The following NBDY variants were observed in gnomAD, a reference collection of about 807,000 sequenced individuals.
NBDY encodes the protein P-body dissociating protein.
At chrX:56,730,513 CAAAAAAAAAAAAAAAAAAA>C (rs1157131797) in intron 1 of NBDY, among the ~76,000 whole-genome samples, 3 of 11,215 alleles carry the variant, frequency 2.7e-4, no homozygotes, top group Non-Finnish European at 3.5e-4. Context: ...AACTACGTCT[CAAAAAAAAAAAAAAAAAAA>C]AAAAAAAAAA....
intron 2 of NBDY, among the ~76,000 whole-genome samples, chrX:56,792,211 CAT>C (rs1489523847): frequency 1.8e-5 from 2 of 111,215 alleles, no homozygotes; most frequent in African/African-American, 6.6e-5. Context: ...AAGCTGCCCA[CAT>C]GTTATATTTA....
At chrX:56,764,196 C>T (rs908795992) in intron 2 of NBDY, among the ~76,000 whole-genome samples, 48 of 112,516 alleles carry the variant, frequency 4.3e-4, no homozygotes, top group Admixed American at 2.5e-3. Flanking sequence ...TGGGTTGCCA[C>T]GTCTCCAGTA....
At chrX:56,783,703 C>G (rs1358820613) in intron 2 of NBDY, among the ~76,000 whole-genome samples, 2 of 112,785 alleles carry the variant, frequency 1.8e-5, no homozygotes, top group African/African-American at 6.5e-5. Flanking sequence ...GTCCCTGCAG[C>G]CTGTTGTCAT....
chrX:56,750,387 C>A (rs920247833), intron 2 of NBDY, among the ~76,000 whole-genome samples: 1 of 111,337 alleles, frequency 9.0e-6, no homozygotes, highest in African/African-American at 3.3e-5. Context: ...AGCCTAGATC[C>A]TTAAATTGAG....
intron 2 of NBDY, among the ~76,000 whole-genome samples, chrX:56,800,985 C>T (rs2146737551): frequency 9.0e-6 from 1 of 111,495 alleles, no homozygotes; most frequent in Admixed American, 9.5e-5. Flanking sequence ...TACTTCCCTA[C>T]CCAGGCCTTG....
At chrX:56,816,625 G>T (rs972146702) in intron 2 of NBDY, among the ~76,000 whole-genome samples, 2 of 110,893 alleles carry the variant, frequency 1.8e-5, no homozygotes, top group African/African-American at 3.3e-5. Flanking sequence ...ACATTTATAA[G>T]TGAATAAAAA....
At chrX:56,767,726 A>G (rs113664366) in intron 2 of NBDY, among the ~76,000 whole-genome samples, 8,697 of 109,251 alleles carry the variant, frequency 0.08, 710 homozygotes, top group African/African-American at 0.23. Context: ...TGCTTTTTTC[A>G]CACGAGAAAG....
intron 2 of NBDY, among the ~76,000 whole-genome samples, chrX:56,801,371 C>G (rs926338362): frequency 9.1e-6 from 1 of 109,993 alleles, no homozygotes; most frequent in Non-Finnish European, 1.9e-5. Flanking sequence ...TTCTCCTTCT[C>G]ATTTTTCTCT....
chrX:56,767,476 G>T (rs1405086725), intron 2 of NBDY, among the ~76,000 whole-genome samples: 14 of 113,157 alleles, frequency 1.2e-4, no homozygotes, highest in Admixed American at 1.1e-3. Flanking sequence ...CCCTCAGCTT[G>T]CGGGGAGGTG....
intron 2 of NBDY, among the ~76,000 whole-genome samples, chrX:56,800,272 C>T (rs1259809921): frequency 8.9e-6 from 1 of 112,148 alleles, no homozygotes; most frequent in Non-Finnish European, 1.9e-5. Flanking sequence ...ACATGCATCC[C>T]CACCAATACT....
intron 2 of NBDY, among the ~76,000 whole-genome samples, chrX:56,802,534 T>A (rs966329390): frequency 6.4e-5 from 7 of 108,673 alleles, no homozygotes; most frequent in African/African-American, 2.0e-4. Flanking sequence ...GCCCTGTGAC[T>A]GCCTGTTGAG....
intron 2 of NBDY, among the ~76,000 whole-genome samples, chrX:56,758,151 T>C (rs1030866970): frequency 1.8e-5 from 2 of 109,728 alleles, no homozygotes; most frequent in African/African-American, 6.7e-5. Context: ...CTGGCAAATA[T>C]GGTGAAACCC....
chrX:56,755,361 A>G (rs374539496), intron 2 of NBDY, among the ~76,000 whole-genome samples: 2 of 112,150 alleles, frequency 1.8e-5, no homozygotes, highest in Non-Finnish European at 3.8e-5. Flanking sequence ...GCAACCTACA[A>G]AATGGGAGAA....
intron 2 of NBDY, among the ~76,000 whole-genome samples, chrX:56,764,576 C>G (rs2069655701): frequency 9.1e-6 from 1 of 110,294 alleles, no homozygotes; most frequent in Admixed American, 9.6e-5. Flanking sequence ...GTCCGTGCAT[C>G]CTGTTGTGTT....
chrX:56,788,162 G>C (rs1313905299), intron 2 of NBDY, among the ~76,000 whole-genome samples: 2 of 112,745 alleles, frequency 1.8e-5, no homozygotes, highest in Non-Finnish European at 3.8e-5. Context: ...CTTGGTGCTA[G>C]AGTCCCCTGA....
intron 2 of NBDY, among the ~76,000 whole-genome samples, chrX:56,805,739 C>T (rs1277795803): frequency 8.9e-6 from 1 of 112,063 alleles, no homozygotes; most frequent in Non-Finnish European, 1.9e-5. Context: ...TACCTGTCTA[C>T]TTGGTACACT....
chrX:56,784,872 T>A (rs1330517864), intron 2 of NBDY, among the ~76,000 whole-genome samples: 1 of 112,582 alleles, frequency 8.9e-6, no homozygotes, highest in African/African-American at 3.2e-5. Context: ...TGCGAAGCCA[T>A]GACCGCGTTG....
chrX:56,797,100 T>C (rs1368396679), intron 2 of NBDY, among the ~76,000 whole-genome samples: 3 of 109,641 alleles, frequency 2.7e-5, no homozygotes, highest in African/African-American at 1.0e-4. Context: ...CTTCTTCTTC[T>C]TTTTCTTTCC....
chrX:56,760,077 C>T (rs1391301852), intron 2 of NBDY, among the ~76,000 whole-genome samples: 1 of 112,557 alleles, frequency 8.9e-6, no homozygotes, highest in Non-Finnish European at 1.9e-5. Flanking sequence ...TTGAGGCTGC[C>T]GGGTTGTTCT....
Sources: gnomAD v4.1 joint callset for allele counts (sites outside exome capture counted in the v4.1 genomes callset) on GRCh38, gnomAD v4.1.1 for gene constraint, MANE v1.5 for transcripts, NCBI Gene and HGNC (gene_info 2026-07-23, HGNC 2026-07-21) for gene names.